The following SNAP25 variants were observed in gnomAD, a reference collection of about 807,000 sequenced individuals.
SNAP25 encodes the protein synaptosome associated protein 25.
SNAP25 carries 3 observed loss-of-function variants against 28.7 expected under a neutral mutation model. That is an observed-to-expected ratio of 0.10 (90% CI 0.05 to 0.27). The LOEUF (loss-of-function observed/expected upper bound fraction) is 0.27. Ranked by LOEUF, SNAP25 falls within the 10% of genes least tolerant of loss-of-function variation. The probability of loss-of-function intolerance (pLI) is 1.00; values close to 1 mark genes in which losing one functional copy is unlikely to be tolerated. For missense variants in SNAP25, 117 were observed against 278.7 expected, an observed-to-expected ratio of 0.42 and a Z score of 4.13; for synonymous variants, 61 against 88.1, an observed-to-expected ratio of 0.69 and a Z score of 1.72.
chr20:10,297,434 C>T (rs1246581999), intron 6 of SNAP25, among the ~76,000 whole-genome samples: 2 of 152,202 alleles, frequency 1.3e-5, no homozygotes, highest in African/African-American at 4.8e-5. Flanking sequence ...ATGACCACAT[C>T]CAGACTCAAT....
At chr20:10,276,859 G>A (rs546877170) in intron 2 of SNAP25, among the ~76,000 whole-genome samples, 7 of 152,294 alleles carry the variant, frequency 4.6e-5, no homozygotes, top group South Asian at 2.1e-4. Flanking sequence ...CCAGAGAGCC[G>A]GTAGTTAAAC....
At chr20:10,283,501 G>A (rs909169615) in intron 3 of SNAP25, among the ~76,000 whole-genome samples, 1 of 152,210 alleles carries the variant, frequency 6.6e-6, no homozygotes, top group Non-Finnish European at 1.5e-5. Flanking sequence ...CAAAGGCAAG[G>A]TAGGCTTTTG....
intron 1 of SNAP25, among the ~76,000 whole-genome samples, chr20:10,238,447 G>C (rs890471305): frequency 1.3e-5 from 2 of 152,178 alleles, no homozygotes; most frequent in African/African-American, 4.8e-5. Context: ...GAGTGGGAGG[G>C]AGGTGGCAGC....
intron 1 of SNAP25, among the ~76,000 whole-genome samples, chr20:10,229,124 T>C (rs1324513530): frequency 6.6e-6 from 1 of 152,044 alleles, no homozygotes; most frequent in African/African-American, 2.4e-5. Context: ...GCTTGAGGAG[T>C]TAAAAGAGAT....
chr20:10,290,100 C>A (rs1201708103), intron 4 of SNAP25, among the ~76,000 whole-genome samples: 1 of 152,128 alleles, frequency 6.6e-6, no homozygotes, highest in East Asian at 1.9e-4. Context: ...GTTGCATCAG[C>A]CTCAGAGATG....
intron 1 of SNAP25, among the ~76,000 whole-genome samples, chr20:10,235,184 G>A (rs367760621): frequency 3.2e-4 from 48 of 152,214 alleles, no homozygotes; most frequent in African/African-American, 1.1e-3. Flanking sequence ...GGTGAGCTAC[G>A]ATCATGTCAC....
intron 1 of SNAP25, among the ~76,000 whole-genome samples, chr20:10,247,404 C>G (rs892453036): frequency 2.0e-5 from 3 of 152,158 alleles, no homozygotes; most frequent in African/African-American, 7.2e-5. Flanking sequence ...CTGTCCTAGC[C>G]CACAACTTCA....
chr20:10,271,080 T>A (rs1435423848), intron 1 of SNAP25, among the ~76,000 whole-genome samples: 1 of 152,228 alleles, frequency 6.6e-6, no homozygotes, highest in Non-Finnish European at 1.5e-5. Flanking sequence ...CTTTTCTTCC[T>A]AATTTCTTCT....
chr20:10,222,678 A>G (rs2122600241), intron 1 of SNAP25, among the ~76,000 whole-genome samples: 1 of 152,332 alleles, frequency 6.6e-6, no homozygotes, highest in East Asian at 1.9e-4. Flanking sequence ...TCCAGAAATT[A>G]CTATTGACAG....
At chr20:10,250,003 C>T (rs1034569310) in intron 1 of SNAP25, among the ~76,000 whole-genome samples, 1 of 152,066 alleles carries the variant, frequency 6.6e-6, no homozygotes, top group Non-Finnish European at 1.5e-5. Flanking sequence ...TAGGGTGGAG[C>T]TCATGAATAT....
rs761788142 is a variant in SNAP25 at position 10,307,087 on chromosome 20, A to G, written c.*890A>G. ...ATATAGGGTTTGTTTGCTGCTTTTG[A>G]TGGCTATGTTTTGGAGAGAGCAATC... On this transcript the variant is annotated 3_prime_UTR_variant, in exon 8 of 8. Coordinates refer to ENST00000254976, the MANE Select transcript of SNAP25 (RefSeq NM_130811.4). 3 of 152,406 alleles carry G rather than the reference A, an allele frequency of 2.0e-5. No individual in the cohort carries two copies. The highest frequency in any genetic ancestry group is 4.4e-5 in the Non-Finnish European group (3 of 68,014). The allele number at this position is 152,406 out of a possible 1,614,324, so 9.4% of individuals were successfully genotyped here. A position where few individuals can be genotyped will look rare whatever the true frequency, so the allele number is the denominator to read the frequency against.
In SNAP25 at chr20:10,275,071, AAATAAATAAATAAATAAAT is replaced by A. The variant is rs1568608653; in HGVS notation, c.-63-355_-63-337del. ...CTGTTATACCTTAATAGAGCTATTTAAATAAATAAATAAATAAATAAATAAATAAATAAATAAATAAATG... is the reference window on the plus strand; with the variant it reads ...CTGTTATACCTTAATAGAGCTATTTAAAATAAATAAATAAATAAATAAATG... On this transcript the variant is annotated intron_variant, in intron 1 of 7. Coordinates refer to ENST00000254976, the MANE Select transcript of SNAP25 (RefSeq NM_130811.4). 7.9e-4 allele frequency among the ~76,000 whole-genome samples: 109 copies of A among 137,874 alleles called. 1 individual carries two copies. The highest frequency in any genetic ancestry group is 3.8e-3 in the Admixed American group (55 of 14,436). 90.5% of individuals were successfully genotyped at this position (137,874 alleles called of 152,430 possible).
intron 1 of SNAP25, among the ~76,000 whole-genome samples, chr20:10,224,381 C>G (rs1430895973): frequency 1.4e-5 from 2 of 140,736 alleles, no homozygotes; most frequent in Admixed American, 7.6e-5. Context: ...CCTGAAACAA[C>G]TGCTTGTAAT....
rs548339915 is a variant in SNAP25, at chr20:10,259,726, T to C, written c.-63-15703T>C. On this transcript the variant is annotated intron_variant, in intron 1 of 7. Coordinates refer to ENST00000254976, the MANE Select transcript of SNAP25 (RefSeq NM_130811.4). ...CTAACTTCTAAATTTTTTGTAGAGA[T>C]GGGTCTGGCCATGTTGCCCAGGCTG... Among the ~76,000 whole-genome samples the C allele has an allele frequency of 2.0e-5, 3 of 152,102 alleles. No individual in the cohort carries two copies. The South Asian group carries it at 6.2e-4, about 32-fold the overall frequency.
rs565027900 is a variant in SNAP25 at position 10,279,188 on chromosome 20, C to G, written c.114+1462C>G. ...TAAATCTACGAGTACAGGCAAGACTCTTAGCATGGACTTATTCTCTCTCAA... is the reference window on the plus strand; with the variant it reads ...TAAATCTACGAGTACAGGCAAGACTGTTAGCATGGACTTATTCTCTCTCAA... On this transcript the variant is annotated intron_variant, in intron 3 of 7. Transcript: ENST00000254976. Among the ~76,000 whole-genome samples the G allele has an allele frequency of 2.0e-5, 3 of 152,264 alleles. No homozygotes were observed. The East Asian group carries it at 5.8e-4, about 29-fold the overall frequency.
At chr20:10,265,444 C>T (rs1039776041) in intron 1 of SNAP25, among the ~76,000 whole-genome samples, 1 of 152,206 alleles carries the variant, frequency 6.6e-6, no homozygotes, top group African/African-American at 2.4e-5. Flanking sequence ...CTCCAATGCA[C>T]AAAATCCTCA....
In SNAP25 at chr20:10,218,990, C is replaced by A. The variant is rs1268273945; in HGVS notation, c.-64+13C>A. 6.6e-6 allele frequency: 1 copy of A among 152,232 alleles called. No individual in the cohort carries two copies. The highest frequency in any genetic ancestry group is 6.5e-5 in the Admixed American group (1 of 15,286). 9.4% of individuals were successfully genotyped at this position (152,232 alleles called of 1,614,324 possible). Reference sequence around the variant, plus strand: ...CCGAGAAGCCCAGGTAAGAACCCCCCTCCCCAGGTCGTGGCTCTGGCTCGG... The same window carrying A: ...CCGAGAAGCCCAGGTAAGAACCCCCATCCCCAGGTCGTGGCTCTGGCTCGG... On this transcript the variant is annotated intron_variant, in intron 1 of 7. Transcript: ENST00000254976.
intron 3 of SNAP25, among the ~76,000 whole-genome samples, chr20:10,281,666 C>T (rs190267266): frequency 4.4e-4 from 67 of 152,280 alleles, no homozygotes; most frequent in Admixed American, 3.2e-3. Context: ...TAAGTTCTTA[C>T]GCATCACACT....
intron 4 of SNAP25, among the ~76,000 whole-genome samples, chr20:10,290,627 CAG>C (rs1228650057): frequency 6.9e-6 from 1 of 145,348 alleles, no homozygotes; most frequent in Non-Finnish European, 1.5e-5. Flanking sequence ...AATATCTTGT[CAG>C]AGAGTTAATA....
Sources: allele counts gnomAD v4.1 joint callset (sites outside exome capture counted in the v4.1 genomes callset), GRCh38; gene constraint gnomAD v4.1.1; transcripts MANE v1.5; gene names NCBI Gene and HGNC (gene_info 2026-07-23, HGNC 2026-07-21).